Variants in VAC14 observed in about 807,000 individuals in gnomAD.
VAC14 encodes protein VAC14 homolog.
VAC14 carries 47 observed loss-of-function variants against 85.3 expected under a neutral mutation model. The ratio of observed to expected loss-of-function variants is 0.55; its 90% CI spans 0.44 to 0.70. The LOEUF is 0.70. Ranked by LOEUF, VAC14 falls within the 30% of genes least tolerant of loss-of-function variation. VAC14 has a pLI of 0.00. For synonymous variants in VAC14, 447 were observed against 430.5 expected (o/e 1.04, Z -0.47); for missense variants, 861 against 1,004.3 (o/e 0.86, Z 1.93).
At chr16:70,741,904 G>A (rs751479337) in intron 13 of VAC14, among the ~76,000 whole-genome samples, 1 of 152,170 alleles carries the variant, frequency 6.6e-6, no homozygotes, top group African/African-American at 2.4e-5. Context: ...CCCAAGCAGC[G>A]CAAAGGGCTT....
At chr16:70,764,878 CCTAG>C (rs1300483476) in intron 10 of VAC14, among the ~76,000 whole-genome samples, 1 of 152,208 alleles carries the variant, frequency 6.6e-6, no homozygotes, top group Non-Finnish European at 1.5e-5. Context: ...CTGGCAGTTT[CCTAG>C]CCACTCCCTT....
intron 13 of VAC14, among the ~76,000 whole-genome samples, chr16:70,738,973 A>G (rs2029985970): frequency 6.6e-6 from 1 of 152,164 alleles, no homozygotes; most frequent in Non-Finnish European, 1.5e-5. Context: ...TGAGATAAGC[A>G]AGTGTGTTGG....
chr16:70,742,664 C>A (rs1021647569), intron 13 of VAC14, among the ~76,000 whole-genome samples: 4 of 152,252 alleles, frequency 2.6e-5, no homozygotes, highest in African/African-American at 7.2e-5. Flanking sequence ...ACAGGCAGCC[C>A]TGCAGGTCTC....
At chr16:70,691,476 C>G (rs1006775091) in intron 18 of VAC14, 1 of 985,334 alleles carries the variant, frequency 1.0e-6, no homozygotes, top group Non-Finnish European at 1.2e-6. Flanking sequence ...CTCTCGGAGT[C>G]TCTCGGGAGC....
At chr16:70,748,142 G>A (rs2031071291) in intron 12 of VAC14, among the ~76,000 whole-genome samples, 1 of 151,906 alleles carries the variant, frequency 6.6e-6, no homozygotes, top group Non-Finnish European at 1.5e-5. Context: ...CCAAACCTGA[G>A]CCTGCTGATA....
chr16:70,703,241 T>C (rs747095816), intron 14 of VAC14, among the ~76,000 whole-genome samples: 1 of 152,248 alleles, frequency 6.6e-6, no homozygotes, highest in Non-Finnish European at 1.5e-5. Flanking sequence ...ATTAAACATG[T>C]GCCCATATTT....
intron 18 of VAC14, chr16:70,690,166 T>C (rs914675610): frequency 2.5e-5 from 25 of 985,360 alleles, no homozygotes; most frequent in Non-Finnish European, 2.7e-5. Context: ...CCACATCTGC[T>C]CCCTGGGCCC....
intron 14 of VAC14, among the ~76,000 whole-genome samples, chr16:70,721,704 T>C (rs1597882887): frequency 6.6e-6 from 1 of 152,230 alleles, no homozygotes; most frequent in East Asian, 1.9e-4. Context: ...GGACAGCCAT[T>C]GTGCCTCTCT....
chr16:70,795,753 G>A (rs1019223736), intron 1 of VAC14, among the ~76,000 whole-genome samples: 2 of 152,208 alleles, frequency 1.3e-5, no homozygotes, highest in African/African-American at 2.4e-5. Context: ...TAGCAGGAGA[G>A]TTACATTTGC....
intron 15 of VAC14, among the ~76,000 whole-genome samples, chr16:70,697,818 C>T (rs767778379): frequency 3.3e-5 from 5 of 152,164 alleles, no homozygotes; most frequent in East Asian, 1.9e-4. Context: ...TGGCCTGGAT[C>T]GTGCAGAGCC....
chr16:70,773,137 T>C (rs2033332321), intron 9 of VAC14: 1 of 152,170 alleles, frequency 6.6e-6, no homozygotes, highest in South Asian at 2.1e-4. Context: ...CTAAAATTGA[T>C]TGTGGTGATG....
intron 13 of VAC14, among the ~76,000 whole-genome samples, chr16:70,742,566 C>T (rs1034665830): frequency 4.6e-5 from 7 of 152,238 alleles, no homozygotes; most frequent in South Asian, 2.1e-4. Context: ...ACCACTTCCC[C>T]GACCACGGCC....
At position 70,738,787 on chromosome 16, in the gene VAC14, G is replaced by A. The variant is rs540007764; in HGVS notation, c.1528+5636C>T. 2.6e-5 allele frequency among the ~76,000 whole-genome samples: 4 copies of A among 152,328 alleles called. No individual in the cohort carries two copies. In the East Asian group the frequency reaches 7.7e-4, roughly 29 times the overall value. On this transcript the variant is annotated intron_variant, in intron 13 of 18. Coordinates refer to ENST00000261776, the MANE Select transcript of VAC14 (RefSeq NM_018052.5). ...GGGCACCTGGTGCCAGGGATTCCGG[G>A]GTAAGTAAACTTGGCCTGTGTGGCC...
intron 14 of VAC14, 36 bp downstream of exon 14, chr16:70,731,459 G>C: frequency 6.3e-7 from 1 of 1,598,182 alleles, no homozygotes; most frequent in Non-Finnish European, 8.5e-7. Context: ...CCGGGGCCGT[G>C]GGAGGAAGAG....
At chr16:70,778,281 C>G (rs1423910492) in intron 9 of VAC14, among the ~76,000 whole-genome samples, 6 of 152,176 alleles carry the variant, frequency 3.9e-5, no homozygotes, top group Non-Finnish European at 8.8e-5. Context: ...ACCACCAATG[C>G]TCCAGCTGGT....
intron 1 of VAC14, among the ~76,000 whole-genome samples, chr16:70,799,766 C>A (rs939481479): frequency 6.6e-6 from 1 of 152,116 alleles, no homozygotes; most frequent in African/African-American, 2.4e-5. Context: ...GAATGTCACA[C>A]CACGGAATAG....
intron 12 of VAC14, among the ~76,000 whole-genome samples, chr16:70,760,096 C>G (rs952429468): frequency 6.6e-6 from 1 of 152,184 alleles, no homozygotes; most frequent in East Asian, 1.9e-4. Flanking sequence ...CAACCTGTGC[C>G]GCGGGGCTGC....
rs748277910 is a variant in VAC14 at position 70,744,416 on chromosome 16, G to T, written c.1528+7C>A. On this transcript the variant is annotated splice_region_variant and intron_variant, in intron 13 of 18. Coordinates refer to ENST00000261776, the MANE Select transcript of VAC14 (RefSeq NM_018052.5). ...CCTGAGGCTAGAACCTTCAGGAGAA[G>T]ACTTACCAGAGGTGTTCAGTAGGCC... is the stretch of plus-strand genomic sequence containing the variant. 4.3e-6 allele frequency: 7 copies of T among 1,613,998 alleles called. No individual in the cohort carries two copies. In the East Asian group the frequency reaches 1.3e-4, roughly 31 times the overall value.
chr16:70,765,129 A>G (rs1314485560), intron 10 of VAC14, among the ~76,000 whole-genome samples: 1 of 152,002 alleles, frequency 6.6e-6, no homozygotes, highest in Non-Finnish European at 1.5e-5. Flanking sequence ...TGTGAGCCCC[A>G]AAGTCTGTAG....
Sources: allele counts gnomAD v4.1 joint callset (sites outside exome capture counted in the v4.1 genomes callset), GRCh38; gene constraint gnomAD v4.1.1; transcripts MANE v1.5; gene names NCBI Gene and HGNC (gene_info 2026-07-23, HGNC 2026-07-21).